The following ADAMTS3 variants were observed in gnomAD, a reference collection of about 807,000 sequenced individuals.
ADAMTS3 encodes the protein ADAM metallopeptidase with thrombospondin type 1 motif 3.
Under a neutral mutation model 129.0 loss-of-function variants are expected in ADAMTS3, and 73 were observed. The observed-to-expected ratio is 0.57, with a 90% CI of 0.47 to 0.69. ADAMTS3 has a LOEUF of 0.69. ADAMTS3 is among the 30% of genes least tolerant of loss of function. The pLI, the probability that ADAMTS3 is intolerant of heterozygous loss-of-function variation, is 0.00. For missense variants in ADAMTS3, 1,457 were observed against 1,514.5 expected, an observed-to-expected ratio of 0.96 and a Z score of 0.63; for synonymous variants, 477 against 510.8, an observed-to-expected ratio of 0.93 and a Z score of 0.89.
chr4:72,465,533 C>G (rs574722515), intron 3 of ADAMTS3, among the ~76,000 whole-genome samples: 1 of 152,112 alleles, frequency 6.6e-6, no homozygotes, highest in South Asian at 2.1e-4. Flanking sequence ...TCCACTCTGA[C>G]TGTACTCATT....
At chr4:72,392,697 A>C (rs1721627825) in intron 4 of ADAMTS3, among the ~76,000 whole-genome samples, 1 of 152,126 alleles carries the variant, frequency 6.6e-6, no homozygotes, top group Non-Finnish European at 1.5e-5. Flanking sequence ...CTAAAGAGGA[A>C]AAGAATAGAA....
chr4:72,521,959 C>G (rs1720686386), intron 3 of ADAMTS3, among the ~76,000 whole-genome samples: 2 of 152,244 alleles, frequency 1.3e-5, no homozygotes, highest in East Asian at 3.9e-4. Context: ...TGAGGTGGCT[C>G]TAAAACATCC....
chr4:72,535,722 T>G (rs572810908), intron 3 of ADAMTS3, among the ~76,000 whole-genome samples: 18 of 152,230 alleles, frequency 1.2e-4, no homozygotes, highest in Middle Eastern at 6.8e-3. Context: ...TGGATGCTTG[T>G]TTTTATCAAA....
intron 2 of ADAMTS3, among the ~76,000 whole-genome samples, chr4:72,561,226 T>C (rs530441037): frequency 6.6e-6 from 1 of 152,278 alleles, no homozygotes; most frequent in South Asian, 2.1e-4. Context: ...TATGCACCTG[T>C]AGTCCCAGCT....
chr4:72,340,196 A>G (rs1304318665), intron 4 of ADAMTS3, among the ~76,000 whole-genome samples: 8 of 152,118 alleles, frequency 5.3e-5, no homozygotes, highest in Admixed American at 5.2e-4. Context: ...AGGGCAACAC[A>G]ACAGCATCTA....
chr4:72,439,053 C>T (rs148139507), intron 3 of ADAMTS3, among the ~76,000 whole-genome samples: 115 of 151,674 alleles, frequency 7.6e-4, no homozygotes, highest in African/African-American at 2.7e-3. Context: ...GTAGCATATA[C>T]CCAAGCATAC....
intron 20 of ADAMTS3, 79 bp from the exon 21 acceptor site, chr4:72,288,947 C>CAT: frequency 1.3e-6 from 1 of 747,754 alleles, no homozygotes; most frequent in East Asian, 2.6e-5. Context: ...CACACACACA[C>CAT]ACACACACAC....
intron 4 of ADAMTS3, among the ~76,000 whole-genome samples, chr4:72,340,885 T>G (rs75701230): frequency 0.037 from 5,664 of 152,240 alleles, 355 homozygotes; most frequent in African/African-American, 0.13. Context: ...TTCAAGTATA[T>G]AGAACTCAGA....
intron 15 of ADAMTS3, among the ~76,000 whole-genome samples, chr4:72,306,957 TAGTC>T (rs1033426466): frequency 1.8e-4 from 27 of 151,982 alleles, no homozygotes; most frequent in East Asian, 5.8e-4. Flanking sequence ...GACCTGACAA[TAGTC>T]AGGTCAATTA....
At chr4:72,302,689 C>T (rs907088682) in intron 17 of ADAMTS3, among the ~76,000 whole-genome samples, 4 of 152,014 alleles carry the variant, frequency 2.6e-5, no homozygotes, top group Non-Finnish European at 4.4e-5. Context: ...ACAAAGAACA[C>T]GGTAAACTGA....
At position 72,515,376 on chromosome 4, in the gene ADAMTS3, G is replaced by A. The variant is rs972465301; in HGVS notation, c.504+33102C>T. Reference sequence around the variant, plus strand: ...AGTAATGGGATGGCTGGGTCAAATGGTATTTCTAGTTCTAGATCCTTGAGG... The same window carrying A: ...AGTAATGGGATGGCTGGGTCAAATGATATTTCTAGTTCTAGATCCTTGAGG... On this transcript the variant is annotated intron_variant, in intron 3 of 21. Transcript: ENST00000286657. 2.6e-3 allele frequency among the ~76,000 whole-genome samples: 402 copies of A among 151,822 alleles called. 1 individual carries two copies. Among genetic ancestry groups the A allele is most frequent in the African/African-American group, 9.1e-3 (377 of 41,336 alleles).
chr4:72,317,725 T>G (rs72862351), intron 10 of ADAMTS3, among the ~76,000 whole-genome samples: 10,132 of 151,950 alleles, frequency 0.067, 1,126 homozygotes, highest in African/African-American at 0.23. Flanking sequence ...GGTGCCCAAG[T>G]TTATATATTT....
chr4:72,564,858 C>G (rs1039859360), intron 2 of ADAMTS3, among the ~76,000 whole-genome samples: 10 of 152,266 alleles, frequency 6.6e-5, no homozygotes, highest in Non-Finnish European at 1.3e-4. Context: ...AAGTTAAATA[C>G]TAAGAAGTAC....
chr4:72,322,880 T>C, intron 6 of ADAMTS3, 134 bp downstream of exon 6: 1 of 590,898 alleles, frequency 1.7e-6, no homozygotes, highest in Non-Finnish European at 3.0e-6. Flanking sequence ...CAGTTTCTTC[T>C]CCTCAATTTC....
chr4:72,524,811 A>C lies in ADAMTS3; in HGVS notation c.504+23667T>G, dbSNP rs553242227. ...AAATAAAATACTGAAATGGATAATA[A>C]TTTTATATTGCCAAACCAAATATTT... is the stretch of plus-strand genomic sequence containing the variant. On this transcript the variant is annotated intron_variant, in intron 3 of 21. Transcript: ENST00000286657. Among the ~76,000 whole-genome samples, 12 of 152,318 alleles carry C rather than the reference A, an allele frequency of 7.9e-5. No homozygotes were observed. The East Asian group carries it at 2.3e-3, about 29-fold the overall frequency.
intron 4 of ADAMTS3, among the ~76,000 whole-genome samples, chr4:72,383,989 A>C (rs920471695): frequency 6.6e-6 from 1 of 151,658 alleles, no homozygotes; most frequent in Non-Finnish European, 1.5e-5. Context: ...TAAAAAATAC[A>C]ATACTGAATA....
intron 3 of ADAMTS3, among the ~76,000 whole-genome samples, chr4:72,463,043 A>T (rs1718814653): frequency 6.6e-6 from 1 of 151,930 alleles, no homozygotes; most frequent in Admixed American, 6.6e-5. Flanking sequence ...ATGACAGGTG[A>T]TCTATATAGG....
At chr4:72,543,291 G>A (rs1186499581) in intron 3 of ADAMTS3, among the ~76,000 whole-genome samples, 1 of 151,892 alleles carries the variant, frequency 6.6e-6, no homozygotes, top group Non-Finnish European at 1.5e-5. Flanking sequence ...GCTACCATGG[G>A]GAACAGTATG....
intron 3 of ADAMTS3, among the ~76,000 whole-genome samples, chr4:72,511,685 C>T (rs1261673509): frequency 5.3e-5 from 8 of 152,112 alleles, no homozygotes; most frequent in Non-Finnish European, 1.2e-4. Flanking sequence ...AGTATAACCA[C>T]AATGGAGAAC....
Sources: allele counts gnomAD v4.1 joint callset (sites outside exome capture counted in the v4.1 genomes callset), GRCh38; gene constraint gnomAD v4.1.1; transcripts MANE v1.5; gene names NCBI Gene and HGNC (gene_info 2026-07-23, HGNC 2026-07-21).